Variants in AASS observed in about 807,000 individuals in gnomAD.
AASS encodes the protein aminoadipate-semialdehyde synthase.
In AASS, 86 loss-of-function variants were observed where a neutral mutation model predicts 105.4. That is an observed-to-expected ratio of 0.82 (90% CI 0.69 to 0.98). AASS has a LOEUF of 0.98. Among genes scored for constraint, AASS ranks in the 50% least tolerant of loss-of-function variants. The probability of loss-of-function intolerance (pLI) is 0.00; values close to 1 mark genes in which losing one functional copy is unlikely to be tolerated. For missense variants in AASS, 1,048 were observed against 1,143.2 expected (o/e 0.92, Z 1.20); for synonymous variants, 381 against 394.8 (o/e 0.96, Z 0.41).
At chr7:122,092,512 G>A (rs1255685503) in intron 17 of AASS, among the ~76,000 whole-genome samples, 2 of 152,068 alleles carry the variant, frequency 1.3e-5, no homozygotes, top group Non-Finnish European at 1.5e-5. Flanking sequence ...ATGACCTGAG[G>A]TCAGGAGTTT....
rs1361992251 is a variant in AASS, at chr7:122,093,806, T to TCTCAATAA, written c.1656-656_1656-649dup. Among the ~76,000 whole-genome samples, 8 of 151,666 alleles carry TCTCAATAA rather than the reference T, an allele frequency of 5.3e-5. No homozygotes were observed. The East Asian group carries it at 1.6e-3, about 29-fold the overall frequency. On this transcript the variant is annotated intron_variant, in intron 15 of 23. Coordinates refer to ENST00000417368, the MANE Select transcript of AASS (RefSeq NM_005763.4). ...GCCTGGGCAATAGAGTGAGACCCTG[T>TCTCAATAA]CTCAATAAAACAAAACAAAATGAAA...
At chr7:122,091,455 T>C (rs1248404969) in intron 18 of AASS, among the ~76,000 whole-genome samples, 3 of 152,024 alleles carry the variant, frequency 2.0e-5, no homozygotes, top group African/African-American at 7.2e-5. Context: ...TATAGAGAAG[T>C]GAATTTTTGA....
chr7:122,077,387 G>C (rs752978066), intron 23 of AASS, among the ~76,000 whole-genome samples: 1 of 152,134 alleles, frequency 6.6e-6, no homozygotes, highest in Non-Finnish European at 1.5e-5. Flanking sequence ...AGAATCTGGA[G>C]TGAATATCTT....
rs370818397 is a variant in AASS, at chr7:122,126,397, A to C, written c.450T>G (p.Phe150Leu). The C allele has an allele frequency of 1.9e-6, 3 of 1,613,956 alleles. No homozygotes were observed. In the African/African-American group the frequency reaches 4.0e-5, roughly 22 times the overall value. ...TACCTGCCACACCAGCCCACTGTCC[A>C]AATGCCACTACCCGTACTCCTCTAT... ...VDHRGVRVVA[F>L]GQWAGVAGMI... The change falls in exon 4 of 24, where the codon TTT becomes TTG. Residue 150 changes from phenylalanine to leucine, a missense_variant. By Grantham distance (22) the Phe-to-Leu change is conservative. Coordinates refer to ENST00000417368, the MANE Select transcript of AASS (RefSeq NM_005763.4).
At position 122,091,814 on chromosome 7, in the gene AASS, CCCA is replaced by C; in HGVS notation, c.1902_1904del (p.Gly635del). 6.2e-7 allele frequency: 1 copy of C among 1,612,198 alleles called. No homozygotes were observed. The highest frequency in any genetic ancestry group is 1.1e-5 in the South Asian group (1 of 90,998). ...TGTTTGAATGTTCAGGGGCTGGAAG[CCCA>C]CCACAGTAGGAAATATATGATTCAA... On this transcript the variant is annotated inframe_deletion, in exon 18 of 24. Transcript: ENST00000417368.
chr7:122,106,153 T>G (rs1346763455), intron 11 of AASS, among the ~76,000 whole-genome samples: 1 of 152,054 alleles, frequency 6.6e-6, no homozygotes, highest in Non-Finnish European at 1.5e-5. Flanking sequence ...TCATGTCATC[T>G]GCAAAAAGGG....
At chr7:122,107,875 C>T (rs182928619) in intron 11 of AASS, among the ~76,000 whole-genome samples, 1 of 150,726 alleles carries the variant, frequency 6.6e-6, no homozygotes, top group African/African-American at 2.4e-5. Flanking sequence ...TGCACATGTA[C>T]CCCTGAACCT....
In AASS at chr7:122,073,777, T is replaced by C. The variant is rs1792875788; in HGVS notation, c.*2712A>G. Among the ~76,000 whole-genome samples the C allele has an allele frequency of 6.6e-6, 1 of 152,124 alleles. No individual in the cohort carries two copies. Among genetic ancestry groups the C allele is most frequent in the Non-Finnish European group, 1.5e-5 (1 of 68,016 alleles). The stretch of plus-strand genomic sequence containing the variant: ...AGCCTAAGCAACCACTAATCTGCCT[T>C]CTCTCTATATATATTCGCCTGTTCT... On this transcript the variant is annotated 3_prime_UTR_variant, in exon 24 of 24. Transcript: ENST00000417368.
chr7:122,093,171 A>T lies in AASS; in HGVS notation c.1656-13T>A, dbSNP rs1793988029. The T allele has an allele frequency of 4.4e-6, 7 of 1,587,206 alleles. 1 individual carries two copies. The Admixed American group carries it at 6.7e-5, about 15-fold the overall frequency. ...ATAAGGCAACAAGCTTGAAAACAGG[A>T]AGAAACTAATCAGAAACTCCCTTTT... On this transcript the variant is annotated splice_polypyrimidine_tract_variant and intron_variant, in intron 15 of 23. Transcript: ENST00000417368.
chr7:122,135,677 C>T (rs1226576580), intron 1 of AASS, among the ~76,000 whole-genome samples: 2 of 152,188 alleles, frequency 1.3e-5, no homozygotes, highest in African/African-American at 4.8e-5. Context: ...TCTTGTCCCC[C>T]TAGTCCCAGA....
intron 8 of AASS, 139 bp from the exon 9 acceptor site, chr7:122,115,361 G>T: frequency 1.7e-6 from 2 of 1,174,646 alleles, no homozygotes; most frequent in Non-Finnish European, 2.4e-6. Context: ...CCATGTCAGT[G>T]TCCATCTTTT....
chr7:122,078,415 C>T (rs149574551), intron 22 of AASS, among the ~76,000 whole-genome samples: 109 of 151,898 alleles, frequency 7.2e-4, no homozygotes, highest in African/African-American at 2.3e-3. Flanking sequence ...AGATGAAGAC[C>T]ATCCTGGCCA....
At position 122,073,789 on chromosome 7, in the gene AASS, T is replaced by C. The variant is rs1373143175; in HGVS notation, c.*2700A>G. On this transcript the variant is annotated 3_prime_UTR_variant, in exon 24 of 24. Coordinates refer to ENST00000417368, the MANE Select transcript of AASS (RefSeq NM_005763.4). ...CACTAATCTGCCTTCTCTCTATATA[T>C]ATTCGCCTGTTCTGGACATTTCATA... 6.6e-6 allele frequency among the ~76,000 whole-genome samples: 1 copy of C among 152,162 alleles called. No individual in the cohort carries two copies. The highest frequency in any genetic ancestry group is 1.5e-5 in the Non-Finnish European group (1 of 68,032).
intron 4 of AASS, among the ~76,000 whole-genome samples, chr7:122,119,409 A>G (rs1279987760): frequency 6.6e-6 from 1 of 152,126 alleles, no homozygotes; most frequent in Non-Finnish European, 1.5e-5. Flanking sequence ...TTTTGATTTC[A>G]AAACTTAGCC....
At chr7:122,139,319 C>A (rs1796284156) in intron 1 of AASS, among the ~76,000 whole-genome samples, 1 of 152,126 alleles carries the variant, frequency 6.6e-6, no homozygotes, top group Admixed American at 6.5e-5. Flanking sequence ...AAGCAGTAAT[C>A]CAATCCCTGC....
chr7:122,113,942 A>C (rs1276941374), intron 9 of AASS, among the ~76,000 whole-genome samples: 2 of 149,928 alleles, frequency 1.3e-5, no homozygotes, highest in Admixed American at 1.3e-4. Context: ...AAAAAAAAAG[A>C]AAGAAAGAAA....
intron 18 of AASS, 140 bp from the exon 19 acceptor site, chr7:122,086,319 A>T: frequency 1.2e-6 from 1 of 808,198 alleles, no homozygotes; most frequent in Middle Eastern, 3.3e-4. Context: ...TCATCATCCT[A>T]TACTTAAGCT....
chr7:122,124,382 A>G (rs943480770), intron 4 of AASS, among the ~76,000 whole-genome samples: 1 of 152,118 alleles, frequency 6.6e-6, no homozygotes, highest in African/African-American at 2.4e-5. Context: ...TCTCAGATTC[A>G]AGCAATTCTC....
At chr7:122,141,558 T>A (rs1211575940) in intron 1 of AASS, among the ~76,000 whole-genome samples, 3 of 147,472 alleles carry the variant, frequency 2.0e-5, no homozygotes, top group Admixed American at 6.9e-5. Context: ...AAAAGCAAAT[T>A]CAATAAACAT....
Sources: allele counts gnomAD v4.1 joint callset (sites outside exome capture counted in the v4.1 genomes callset), GRCh38; gene constraint gnomAD v4.1.1; transcripts MANE v1.5; gene names NCBI Gene and HGNC (gene_info 2026-07-23, HGNC 2026-07-21).